CLASP2: variants seen among roughly 807,000 people sequenced by gnomAD.
The protein encoded by CLASP2 is cytoplasmic linker associated protein 2.
A neutral mutation model predicts 194.4 loss-of-function variants in CLASP2; 47 were observed. That is an observed-to-expected ratio of 0.24 (90% CI 0.19 to 0.31). CLASP2 has a LOEUF of 0.31. CLASP2 is among the 10% of genes least tolerant of loss of function. The pLI, the probability that CLASP2 is intolerant of heterozygous loss-of-function variation, is 1.00. For missense variants in CLASP2, 1,445 were observed against 1,823.6 expected (o/e 0.79, Z 3.78); for synonymous variants, 619 against 633.5 (o/e 0.98, Z 0.34).
chr3:33,691,840 G>A (rs527435223), intron 2 of CLASP2, among the ~76,000 whole-genome samples: 1 of 152,286 alleles, frequency 6.6e-6, no homozygotes, highest in South Asian at 2.1e-4. Context: ...CTTATCCAAG[G>A]TCATGCAAAC....
At chr3:33,559,279 A>G (rs1340707215) in intron 29 of CLASP2, 28 bp downstream of exon 29, 2 of 1,292,168 alleles carry the variant, frequency 1.5e-6, no homozygotes, top group South Asian at 2.6e-5. Context: ...ATTCTTTATA[A>G]TGTCTTCAAA....
At chr3:33,557,099 G>A (rs562244668) in intron 29 of CLASP2, among the ~76,000 whole-genome samples, 10 of 150,886 alleles carry the variant, frequency 6.6e-5, no homozygotes, top group East Asian at 2.0e-4. Flanking sequence ...TCAGCCTCCC[G>A]AGTAGCTGGG....
At chr3:33,533,193 G>A (rs1362442466) in intron 34 of CLASP2, among the ~76,000 whole-genome samples, 1 of 152,120 alleles carries the variant, frequency 6.6e-6, no homozygotes, top group African/African-American at 2.4e-5. Context: ...AGTATTCAAT[G>A]GATACTTTCA....
At chr3:33,668,221 A>AAAAAC (rs1369966695) in intron 6 of CLASP2, among the ~76,000 whole-genome samples, 4 of 152,244 alleles carry the variant, frequency 2.6e-5, no homozygotes, top group Admixed American at 1.3e-4. Context: ...TCCAACTCAA[A>AAAAAC]AAAACAAAAC....
chr3:33,705,083 A>G (rs1294132457), intron 1 of CLASP2, among the ~76,000 whole-genome samples: 1 of 152,206 alleles, frequency 6.6e-6, no homozygotes, highest in East Asian at 1.9e-4. Flanking sequence ...ATACAGCCAT[A>G]CATACTTGTA....
chr3:33,576,375 C>A (rs1196029993), intron 23 of CLASP2, 100 bp from the exon 24 acceptor site: 23 of 778,262 alleles, frequency 3.0e-5, no homozygotes, highest in East Asian at 1.6e-4. Context: ...GGAAAAAAAA[C>A]CAATGGGGCA....
At chr3:33,678,571 G>A (rs1476540632) in intron 6 of CLASP2, among the ~76,000 whole-genome samples, 1 of 152,046 alleles carries the variant, frequency 6.6e-6, no homozygotes, top group African/African-American at 2.4e-5. Flanking sequence ...TAAAAGTAAA[G>A]AAGAAATAAA....
chr3:33,548,549 T>C (rs901275414), intron 30 of CLASP2, among the ~76,000 whole-genome samples: 3 of 152,088 alleles, frequency 2.0e-5, no homozygotes, highest in Admixed American at 6.6e-5. Context: ...CACCCGCCTG[T>C]TTCCCAAAGT....
intron 34 of CLASP2, among the ~76,000 whole-genome samples, chr3:33,529,721 C>T (rs530509741): frequency 2.6e-5 from 4 of 152,242 alleles, no homozygotes. Context: ...GTGGCTCACG[C>T]CTGTAATCCC....
intron 29 of CLASP2, among the ~76,000 whole-genome samples, chr3:33,553,160 C>T (rs761140805): frequency 5.9e-5 from 9 of 151,824 alleles, no homozygotes; most frequent in African/African-American, 1.5e-4. Flanking sequence ...ATAAGGTCTC[C>T]GGGAAGTGCC....
At chr3:33,562,079 A>C (rs1296587968) in intron 27 of CLASP2, among the ~76,000 whole-genome samples, 1 of 152,182 alleles carries the variant, frequency 6.6e-6, no homozygotes, top group Non-Finnish European at 1.5e-5. Flanking sequence ...TCTTTATCAG[A>C]ATTATAATTA....
At chr3:33,565,693 T>C (rs1490733328) in intron 27 of CLASP2, among the ~76,000 whole-genome samples, 2 of 151,722 alleles carry the variant, frequency 1.3e-5, no homozygotes, top group African/African-American at 4.8e-5. Context: ...ATGCCTGTAA[T>C]CCCAGCTACT....
rs754078855 is a variant in CLASP2, at chr3:33,516,053, T to A, written c.4080A>T (p.Thr1360=). The change falls in exon 36 of 39, where the codon ACA becomes ACT. Residue 1360 remains threonine (T), a synonymous_variant. Transcript: ENST00000682230. Reference sequence around the variant, plus strand: ...TATGAGGATCTTTATGTGCTTCCAATGTTTTCATGACAGTCAATTCTGCAT... The same window carrying A: ...TATGAGGATCTTTATGTGCTTCCAAAGTTTTCATGACAGTCAATTCTGCAT... ...KNYAELTVMK[T]LEAHKDPHKE... 1 of 1,611,068 alleles carries A rather than the reference T, an allele frequency of 6.2e-7. No homozygotes were observed. The highest frequency in any genetic ancestry group is 8.5e-7 in the Non-Finnish European group (1 of 1,178,646).
In CLASP2 at chr3:33,663,383, T is replaced by G. The variant is rs1016575440; in HGVS notation, c.715+62A>C. 7 of 1,292,082 alleles carry G rather than the reference T, an allele frequency of 5.4e-6. No individual in the cohort carries two copies. In the East Asian group the frequency reaches 1.6e-4, roughly 30 times the overall value. The allele number at this position is 1,292,082 out of a possible 1,614,324, so 80.0% of individuals were successfully genotyped here. ...TTTTGAATCAGTGATATATAATACA[T>G]TTTAGTGCCTAAAACTTTGCTAAAT... On this transcript the variant is annotated intron_variant, in intron 7 of 38. Coordinates refer to ENST00000682230, the MANE Select transcript of CLASP2 (RefSeq NM_001365631.1).
In CLASP2 at chr3:33,619,689, T is replaced by C; in HGVS notation, c.1231A>G (p.Ile411Val). 6.3e-7 allele frequency: 1 copy of C among 1,579,860 alleles called. No homozygotes were observed. Among genetic ancestry groups the C allele is most frequent in the Non-Finnish European group, 8.6e-7 (1 of 1,162,260 alleles). ...GNKFDHGAEA[I>V]VPTLFNLVPN... is the part of the protein sequence containing the mutation. ...ACGAGATTAAAAAGTGTAGGTACAA[T>C]GGCTTCAGCGCCATGATCAAACTTG... The change falls in exon 12 of 39, where the codon ATT (isoleucine) becomes GTT (valine). Residue 411 changes from isoleucine to valine, a missense_variant. Physicochemically the swap from Ile to Val is conservative, Grantham distance 29. Around this residue, in one of 4 missense-constraint regions of CLASP2, gnomAD observed 207 missense variants for 331.4 expected, o/e 0.62. Transcript: ENST00000682230.
chr3:33,593,025 C>T (rs1234807600), intron 20 of CLASP2, among the ~76,000 whole-genome samples: 1 of 152,238 alleles, frequency 6.6e-6, no homozygotes, highest in East Asian at 1.9e-4. Flanking sequence ...TTACTGCTCT[C>T]TTCCTCCAAT....
intron 37 of CLASP2, chr3:33,503,291 T>C (rs1210172478): frequency 6.6e-6 from 1 of 152,198 alleles, no homozygotes; most frequent in African/African-American, 2.4e-5. Context: ...TGTTTTCACC[T>C]TTTGGCTACT....
chr3:33,696,569 G>T (rs968198331), intron 2 of CLASP2, among the ~76,000 whole-genome samples: 3 of 150,862 alleles, frequency 2.0e-5, no homozygotes, highest in Non-Finnish European at 4.4e-5. Flanking sequence ...AGGTTCAAGA[G>T]ATTCTCCTGC....
chr3:33,592,537 A>G, intron 20 of CLASP2, 41 bp from the exon 21 acceptor site: 1 of 1,462,302 alleles, frequency 6.8e-7, no homozygotes, highest in Non-Finnish European at 9.4e-7. Context: ...ACATTTTTCT[A>G]TAATAATGTT....
Sources: allele counts gnomAD v4.1 joint callset (sites outside exome capture counted in the v4.1 genomes callset), GRCh38; gene constraint gnomAD v4.1.1; regional missense constraint gnomAD v4.1.1; transcripts MANE v1.5; gene names NCBI Gene and HGNC (gene_info 2026-07-23, HGNC 2026-07-21).